DLG2: variants seen among roughly 807,000 people sequenced by gnomAD.
DLG2 encodes the protein discs large MAGUK scaffold protein 2.
Under a neutral mutation model 132.5 loss-of-function variants are expected in DLG2, and 45 were observed. The ratio of observed to expected loss-of-function variants is 0.34; its 90% CI spans 0.27 to 0.44. The LOEUF is 0.44. DLG2 is among the 20% of genes least tolerant of loss of function. The probability of loss-of-function intolerance (pLI) is 1.00; values close to 1 mark genes in which losing one functional copy is unlikely to be tolerated. For synonymous variants in DLG2, 424 were observed against 419.6 expected (o/e 1.01, Z -0.13); for missense variants, 1,045 against 1,196.9 (o/e 0.87, Z 1.87).
intron 4 of DLG2, among the ~76,000 whole-genome samples, chr11:85,271,303 G>A (rs888905396): frequency 5.3e-5 from 8 of 152,312 alleles, no homozygotes; most frequent in African/African-American, 1.7e-4. Context: ...GGAAACCTCC[G>A]CCTAGATTTC....
chr11:83,782,837 G>T (rs1351100921), intron 18 of DLG2, among the ~76,000 whole-genome samples: 1 of 152,120 alleles, frequency 6.6e-6, no homozygotes, highest in Non-Finnish European at 1.5e-5. Context: ...AAATCAAAGG[G>T]GAAGGTTTCT....
intron 7 of DLG2, among the ~76,000 whole-genome samples, chr11:84,324,569 G>A (rs2098421467): frequency 6.6e-6 from 1 of 151,896 alleles, no homozygotes; most frequent in Admixed American, 6.6e-5. Flanking sequence ...AAATTTTCCT[G>A]TAACAAATAC....
intron 6 of DLG2, among the ~76,000 whole-genome samples, chr11:84,890,409 C>A (rs979944881): frequency 4.5e-4 from 68 of 152,246 alleles, no homozygotes; most frequent in Admixed American, 2.1e-3. Flanking sequence ...ACTGATTAGT[C>A]ATATTCTTAT....
intron 20 of DLG2, among the ~76,000 whole-genome samples, chr11:83,539,993 A>G (rs1239209050): frequency 6.6e-6 from 1 of 152,168 alleles, no homozygotes; most frequent in Non-Finnish European, 1.5e-5. Flanking sequence ...CCCTGTATCC[A>G]AAATTTGAAT....
At chr11:84,028,780 T>C (rs1275638158) in intron 11 of DLG2, among the ~76,000 whole-genome samples, 1 of 152,078 alleles carries the variant, frequency 6.6e-6, no homozygotes, top group African/African-American at 2.4e-5. Context: ...AACCTTCCTT[T>C]TCTCCCAGGT....
At chr11:84,883,610 C>T (rs1355428924) in intron 6 of DLG2, among the ~76,000 whole-genome samples, 1 of 152,060 alleles carries the variant, frequency 6.6e-6, no homozygotes, top group Non-Finnish European at 1.5e-5. Flanking sequence ...ATCCCTTCAC[C>T]TGTGTGGGTA....
intron 4 of DLG2, among the ~76,000 whole-genome samples, chr11:85,170,508 A>G (rs2078778492): frequency 6.6e-6 from 1 of 152,144 alleles, no homozygotes; most frequent in Non-Finnish European, 1.5e-5. Flanking sequence ...TGAATAGAAG[A>G]AAGTCAAAGA....
intron 19 of DLG2, among the ~76,000 whole-genome samples, chr11:83,562,413 G>C (rs552228582): frequency 6.6e-6 from 1 of 151,938 alleles, no homozygotes; most frequent in Non-Finnish European, 1.5e-5. Flanking sequence ...TGCCCTGGGT[G>C]GGGGGGTACC....
chr11:85,459,175 C>G (rs2092520919), intron 3 of DLG2, among the ~76,000 whole-genome samples: 2 of 152,170 alleles, frequency 1.3e-5, no homozygotes, highest in Non-Finnish European at 2.9e-5. Flanking sequence ...TCAAGGACAG[C>G]AAGGTCACTA....
intron 7 of DLG2, among the ~76,000 whole-genome samples, chr11:84,415,290 G>A (rs781385607): frequency 1.3e-5 from 2 of 152,072 alleles, no homozygotes; most frequent in Non-Finnish European, 2.9e-5. Context: ...GAATCACAGG[G>A]TGTTAAGAAT....
chr11:83,679,321 G>T (rs1435854956), intron 18 of DLG2, among the ~76,000 whole-genome samples: 2 of 152,142 alleles, frequency 1.3e-5, no homozygotes, highest in Non-Finnish European at 2.9e-5. Context: ...TACTAGTATT[G>T]TCAGGTATTT....
chr11:84,655,730 TTTTG>T (rs1482022136), intron 6 of DLG2, among the ~76,000 whole-genome samples: 39 of 146,252 alleles, frequency 2.7e-4, no homozygotes, highest in South Asian at 1.4e-3. Flanking sequence ...CTTTGTTTTT[TTTTG>T]TTTGTTTTTT....
At chr11:85,540,159 G>A (rs754341854) in intron 3 of DLG2, among the ~76,000 whole-genome samples, 4 of 152,188 alleles carry the variant, frequency 2.6e-5, no homozygotes, top group African/African-American at 4.8e-5. Flanking sequence ...AGGGTCCCTG[G>A]TGAGGGATCC....
intron 7 of DLG2, among the ~76,000 whole-genome samples, chr11:84,490,258 G>T (rs1603171581): frequency 6.6e-6 from 1 of 152,244 alleles, no homozygotes; most frequent in South Asian, 2.1e-4. Flanking sequence ...AAGTGCCTAA[G>T]ACATCTGGTT....
intron 6 of DLG2, among the ~76,000 whole-genome samples, chr11:84,801,340 C>A (rs533410942): frequency 6.6e-6 from 1 of 152,114 alleles, no homozygotes; most frequent in Non-Finnish European, 1.5e-5. Flanking sequence ...GAGGCCGAGG[C>A]GGGCGGATCA....
chr11:84,556,977 G>T (rs1228940808), intron 6 of DLG2, among the ~76,000 whole-genome samples: 2 of 152,074 alleles, frequency 1.3e-5, no homozygotes, highest in Admixed American at 6.5e-5. Flanking sequence ...GAGGCCCCTG[G>T]GTATCCATCC....
intron 3 of DLG2, among the ~76,000 whole-genome samples, chr11:85,426,162 A>G (rs968717338): frequency 3.3e-5 from 5 of 152,234 alleles, no homozygotes; most frequent in African/African-American, 1.2e-4. Context: ...GGTAGAGCCC[A>G]CCGCAGCTCA....
chr11:85,506,701 G>T (rs906225239), intron 3 of DLG2, among the ~76,000 whole-genome samples: 3 of 152,170 alleles, frequency 2.0e-5, no homozygotes, highest in Non-Finnish European at 4.4e-5. Flanking sequence ...CTGTTGATTT[G>T]GGGTGGAGAG....
chr11:83,517,465 A>G (rs1345092594), intron 21 of DLG2, among the ~76,000 whole-genome samples: 4 of 152,176 alleles, frequency 2.6e-5, no homozygotes, highest in African/African-American at 9.7e-5. Flanking sequence ...CATGGGTTCA[A>G]ACTTCCTTCT....
Sources: gnomAD v4.1 joint callset for allele counts (sites outside exome capture counted in the v4.1 genomes callset) on GRCh38, gnomAD v4.1.1 for gene constraint, MANE v1.5 for transcripts, NCBI Gene and HGNC (gene_info 2026-07-23, HGNC 2026-07-21) for gene names.